ARHGAP24: variants seen among roughly 807,000 people sequenced by gnomAD.
The protein encoded by ARHGAP24 is Rho GTPase activating protein 24, also known as rho GTPase-activating protein 24.
Under a neutral mutation model 76.4 loss-of-function variants are expected in ARHGAP24, and 50 were observed. The ratio of observed to expected loss-of-function variants is 0.65; its 90% CI spans 0.52 to 0.83. The LOEUF is 0.83. ARHGAP24 is among the 40% of genes least tolerant of loss of function. The pLI is 0.00. For synonymous variants in ARHGAP24, 345 were observed against 323.3 expected, an observed-to-expected ratio of 1.07 and a Z score of -0.72; for missense variants, 930 against 914.2, an observed-to-expected ratio of 1.02 and a Z score of -0.22.
intron 2 of ARHGAP24, among the ~76,000 whole-genome samples, chr4:85,721,381 G>A (rs1367894957): frequency 7.0e-6 from 1 of 142,258 alleles, no homozygotes; most frequent in Non-Finnish European, 1.5e-5. Flanking sequence ...GGTGACAAGA[G>A]CAAAACTCCA....
intron 1 of ARHGAP24, among the ~76,000 whole-genome samples, chr4:85,518,462 A>G (rs1724602710): frequency 1.3e-5 from 2 of 152,132 alleles, no homozygotes; most frequent in African/African-American, 2.4e-5. Context: ...TGGTGCACCC[A>G]TCACCAGAGC....
At chr4:85,507,886 CT>C (rs921163407) in intron 1 of ARHGAP24, among the ~76,000 whole-genome samples, 8 of 150,650 alleles carry the variant, frequency 5.3e-5, no homozygotes, top group Non-Finnish European at 7.4e-5. Flanking sequence ...TCCTTGTGAC[CT>C]TTTTTTTTAA....
rs11367691 is a variant in ARHGAP24 at position 85,942,053 on chromosome 4, C to CT, written c.392-4dup. 253 of 1,581,250 alleles carry CT rather than the reference C, an allele frequency of 1.6e-4. No individual in the cohort carries two copies. The highest frequency in any genetic ancestry group is 3.6e-4 in the Admixed American group (21 of 59,122). ...TAAATTTCCCAAGTTTACTGTGATC[C>CT]TTTTTTTTTAAGGCATTTTTGGACA... On this transcript the variant is annotated splice_polypyrimidine_tract_variant and intron_variant, in intron 4 of 9. Coordinates refer to ENST00000395184, the MANE Select transcript of ARHGAP24 (RefSeq NM_001025616.3).
chr4:85,649,006 T>A (rs80108141), intron 2 of ARHGAP24, among the ~76,000 whole-genome samples: 1,726 of 96,296 alleles, frequency 0.018, 35 homozygotes, highest in African/African-American at 0.054. Flanking sequence ...ATTGCATTTG[T>A]AAATATGTGT....
chr4:85,846,328 C>T (rs1263876476), intron 3 of ARHGAP24, among the ~76,000 whole-genome samples: 2 of 152,210 alleles, frequency 1.3e-5, no homozygotes, highest in Non-Finnish European at 1.5e-5. Flanking sequence ...ATCTCCACCC[C>T]CAATCTGCTT....
intron 1 of ARHGAP24, among the ~76,000 whole-genome samples, chr4:85,506,196 G>C (rs758439874): frequency 1.3e-5 from 2 of 152,128 alleles, no homozygotes; most frequent in African/African-American, 4.8e-5. Flanking sequence ...GCTACATGGG[G>C]GTCAGGGACC....
chr4:85,591,337 T>C (rs1728099409), intron 2 of ARHGAP24, among the ~76,000 whole-genome samples: 1 of 152,192 alleles, frequency 6.6e-6, no homozygotes, highest in Admixed American at 6.5e-5. Flanking sequence ...TGAGCCACCA[T>C]GCCCGACTAG....
rs764632055 is a variant in ARHGAP24, at chr4:85,721,843, GCT to G, written c.181-37_181-36del. The G allele has an allele frequency of 7.9e-6, 12 of 1,510,990 alleles. No homozygotes were observed. The African/African-American group carries it at 1.6e-4, about 21-fold the overall frequency. 93.6% of individuals were successfully genotyped at this position (1,510,990 alleles called of 1,614,324 possible). On this transcript the variant is annotated intron_variant, in intron 2 of 9. Coordinates refer to ENST00000395184, the MANE Select transcript of ARHGAP24 (RefSeq NM_001025616.3). ...ATTATAATGATGATATATGATGTTTGCTCTCTGATGATGTTGATGTTTTGGGT... is the reference window on the plus strand; with the variant it reads ...ATTATAATGATGATATATGATGTTTGCTCTGATGATGTTGATGTTTTGGGT...
rs149859594 is a variant in ARHGAP24, at chr4:85,781,154, G to A, written c.268+59182G>A. Among the ~76,000 whole-genome samples the A allele has an allele frequency of 8.5e-5, 13 of 152,264 alleles. No homozygotes were observed. The East Asian group carries it at 2.1e-3, about 25-fold the overall frequency. ...TTATGCTTAAGAAAACAATGAATAA[G>A]GCAAGATTTATTTTCTCAGTGATTT... On this transcript the variant is annotated intron_variant, in intron 3 of 9. Transcript: ENST00000395184.
At chr4:85,719,300 T>C (rs1193929106) in intron 2 of ARHGAP24, among the ~76,000 whole-genome samples, 2 of 152,016 alleles carry the variant, frequency 1.3e-5, no homozygotes, top group Admixed American at 6.6e-5. Context: ...AAACTAGATA[T>C]GATAAAAAGC....
intron 2 of ARHGAP24, among the ~76,000 whole-genome samples, chr4:85,719,051 A>G (rs1018988406): frequency 1.3e-5 from 2 of 152,208 alleles, no homozygotes; most frequent in African/African-American, 4.8e-5. Context: ...ATTAGATGCT[A>G]TGTTCTAAAA....
intron 3 of ARHGAP24, among the ~76,000 whole-genome samples, chr4:85,745,207 G>A (rs6822082): frequency 0.075 from 11,374 of 151,516 alleles, 498 homozygotes; most frequent in Middle Eastern, 0.1. Context: ...AAGAGGCCGT[G>A]GCAGGAGAAA....
chr4:85,908,208 AT>A (rs780845833), intron 3 of ARHGAP24, among the ~76,000 whole-genome samples: 16 of 152,218 alleles, frequency 1.1e-4, no homozygotes, highest in Middle Eastern at 3.4e-3. Flanking sequence ...ATAAGTCAAT[AT>A]TTATTTTCTA....
chr4:85,972,698 A>G (rs533477375), intron 6 of ARHGAP24, among the ~76,000 whole-genome samples: 1 of 152,302 alleles, frequency 6.6e-6, no homozygotes, highest in East Asian at 1.9e-4. Context: ...GAATATTTAC[A>G]ATATTTTTAT....
intron 1 of ARHGAP24, among the ~76,000 whole-genome samples, chr4:85,561,741 C>T (rs11723931): frequency 0.59 from 90,039 of 151,902 alleles, 27,857 homozygotes; most frequent in Non-Finnish European, 0.68. Context: ...TTCATGCATT[C>T]GACACGTAAC....
chr4:85,514,809 C>A (rs1724420926), intron 1 of ARHGAP24, among the ~76,000 whole-genome samples: 1 of 53,850 alleles, frequency 1.9e-5, no homozygotes. Flanking sequence ...AGAAATTACT[C>A]TAAATTGTAA....
intron 2 of ARHGAP24, among the ~76,000 whole-genome samples, chr4:85,683,126 G>GGGGGGGGGGGGGGGT (rs1723286571): frequency 1.1e-5 from 1 of 87,534 alleles, no homozygotes; most frequent in African/African-American, 6.0e-5. Context: ...GTGGGGGGGG[G>GGGGGGGGGGGGGGGT]GTGCGGGGGC....
Position 85,956,785 on chromosome 4 carries a change from C to T in ARHGAP24, c.599+14512C>T, listed in dbSNP as rs566091207. Among the ~76,000 whole-genome samples the T allele has an allele frequency of 9.3e-4, 142 of 152,220 alleles. 1 individual carries two copies. In the Middle Eastern group the frequency reaches 0.01, roughly 11 times the overall value. Reference sequence around the variant, plus strand: ...GACACCCAGCCAGGGTGGAAGTCAGCGGCAGGCAGCAAAAAGCAGTGGTGG... The same window carrying T: ...GACACCCAGCCAGGGTGGAAGTCAGTGGCAGGCAGCAAAAAGCAGTGGTGG... On this transcript the variant is annotated intron_variant, in intron 5 of 9. Coordinates refer to ENST00000395184, the MANE Select transcript of ARHGAP24 (RefSeq NM_001025616.3).
chr4:85,678,003 G>C (rs1051918287), intron 2 of ARHGAP24, among the ~76,000 whole-genome samples: 2 of 151,610 alleles, frequency 1.3e-5, no homozygotes, highest in Non-Finnish European at 2.9e-5. Context: ...TTGTACTACT[G>C]TGCTCCAGCC....
Sources: gnomAD v4.1 joint callset for allele counts (sites outside exome capture counted in the v4.1 genomes callset) on GRCh38, gnomAD v4.1.1 for gene constraint, MANE v1.5 for transcripts, NCBI Gene and HGNC (gene_info 2026-07-23, HGNC 2026-07-21) for gene names.